CD99: variants seen among roughly 807,000 people sequenced by gnomAD.
The protein encoded by CD99 is CD99 antigen.
CD99 carries 19 observed loss-of-function variants against 28.4 expected under a neutral mutation model. The observed-to-expected ratio is 0.67, with a 90% CI of 0.47 to 0.98. The LOEUF (loss-of-function observed/expected upper bound fraction) is 0.98. Ranked by LOEUF, CD99 falls within the 50% of genes least tolerant of loss-of-function variation. The pLI is 0.00. For synonymous variants in CD99, 103 were observed against 92.1 expected (o/e 1.12, Z -0.67); for missense variants, 283 against 248.8 (o/e 1.14, Z -0.92).
In CD99 at chrX:2,691,632, A is replaced by G. The variant is rs766624758; in HGVS notation, c.67+205A>G. ...AACGCTTTTCCTGGAGCCGTTCCAG[A>G]GAGAAAAGTCAGCGTTTGTTGTCGG... On this transcript the variant is annotated intron_variant, in intron 1 of 9. Coordinates refer to ENST00000381192, the MANE Select transcript of CD99 (RefSeq NM_002414.5). 9.8e-6 allele frequency: 7 copies of G among 716,920 alleles called. No homozygotes were observed. The South Asian group carries it at 1.0e-4, about 11-fold the overall frequency. 44.4% of individuals were successfully genotyped at this position (716,920 alleles called of 1,614,324 possible).
chrX:2,729,036 G>A (rs998579599), intron 8 of CD99, among the ~76,000 whole-genome samples: 1 of 151,942 alleles, frequency 6.6e-6, no homozygotes, highest in Non-Finnish European at 1.5e-5. Flanking sequence ...TCACCATGTT[G>A]GACACACTGG....
At chrX:2,703,343 G>T (rs1208997543) in intron 1 of CD99, among the ~76,000 whole-genome samples, 2 of 152,086 alleles carry the variant, frequency 1.3e-5, no homozygotes, top group East Asian at 3.9e-4. Flanking sequence ...CATTTGATGA[G>T]CGTCATTTAG....
chrX:2,740,764 C>T lies in CD99; in HGVS notation c.533-15C>T. 6.2e-7 allele frequency: 1 copy of T among 1,613,704 alleles called. No homozygotes were observed. Among genetic ancestry groups the T allele is most frequent in the Non-Finnish European group, 8.5e-7 (1 of 1,179,700 alleles). ...GGACCTGGGAATGACTTTCTTTTGT[C>T]TCTGTCTCCCACAGTTCAGCGTACT... On this transcript the variant is annotated splice_polypyrimidine_tract_variant and intron_variant, in intron 9 of 9. Transcript: ENST00000381192.
In CD99 at chrX:2,706,079, G is replaced by T. The variant is rs183147900; in HGVS notation, c.68-8343G>T. On this transcript the variant is annotated intron_variant, in intron 1 of 9. Coordinates refer to ENST00000381192, the MANE Select transcript of CD99 (RefSeq NM_002414.5). ...CGTTAAAAAGAAAAAAAAAAAAAGA[G>T]CCGGGCGCGGTGGCTCACGCCTGTC... is the stretch of plus-strand genomic sequence containing the variant. Among the ~76,000 whole-genome samples the T allele has an allele frequency of 8.7e-3, 1,300 of 149,916 alleles. 88 individuals are homozygous for T. In the East Asian group the frequency reaches 0.17, roughly 19 times the overall value.
chrX:2,707,082 C>A (rs1346558072), intron 1 of CD99, among the ~76,000 whole-genome samples: 1 of 152,188 alleles, frequency 6.6e-6, no homozygotes, highest in East Asian at 1.9e-4. Context: ...GTAATCCCTG[C>A]ACTTTGGGAG....
chrX:2,726,588 C>T (rs1430321454), intron 8 of CD99: 2 of 670,226 alleles, frequency 3.0e-6, no homozygotes, highest in Non-Finnish European at 5.5e-6. Context: ...TTACAAGTTC[C>T]CCACTGCTGC....
chrX:2,724,329 C>T (rs772492672), intron 7 of CD99, among the ~76,000 whole-genome samples: 38 of 152,076 alleles, frequency 2.5e-4, no homozygotes, highest in Non-Finnish European at 4.4e-4. Context: ...AAAAACTGGC[C>T]GAGTGAACAC....
chrX:2,736,812 G>T (rs1024563373), intron 8 of CD99, among the ~76,000 whole-genome samples: 5 of 151,778 alleles, frequency 3.3e-5, no homozygotes, highest in Non-Finnish European at 7.4e-5. Flanking sequence ...AGCTGATATC[G>T]CGCCACTGCA....
Position 2,726,309 on chromosome X carries a change from C to T in CD99, c.411C>T (p.Ala137=), listed in dbSNP as rs201728300. 1.4e-5 allele frequency: 23 copies of T among 1,612,014 alleles called. No homozygotes were observed. Among genetic ancestry groups the T allele is most frequent in the African/African-American group, 2.7e-5 (2 of 74,850 alleles). Residue 137 remains alanine, a synonymous_variant, in exon 8 of 10, where the codon GCC becomes GCT. Coordinates refer to ENST00000381192, the MANE Select transcript of CD99 (RefSeq NM_002414.5). Reference sequence around the variant, plus strand: ...GGATTGTGGGGGCTGTCGTGGTCGCCGTGGCTGGAGCCATCTCTAGCTTCA... The same window carrying T: ...GGATTGTGGGGGCTGTCGTGGTCGCTGTGGCTGGAGCCATCTCTAGCTTCA... The part of the protein sequence containing the change: ...IPGIVGAVVV[A]VAGAISSFIA...
At chrX:2,695,446 CTG>C (rs2047527908) in intron 1 of CD99, among the ~76,000 whole-genome samples, 1 of 151,948 alleles carries the variant, frequency 6.6e-6, no homozygotes, top group African/African-American at 2.4e-5. Context: ...GGTGGGGTCT[CTG>C]TTGCCCAGAC....
At chrX:2,704,190 C>T (rs1296422989) in intron 1 of CD99, among the ~76,000 whole-genome samples, 1 of 152,190 alleles carries the variant, frequency 6.6e-6, no homozygotes, top group Admixed American at 6.5e-5. Flanking sequence ...TCTTTGGCCT[C>T]TTGTAAAACT....
chrX:2,693,150 G>GTT (rs1556296914), intron 1 of CD99, among the ~76,000 whole-genome samples: 7 of 147,082 alleles, frequency 4.8e-5, no homozygotes, highest in South Asian at 4.3e-4. Flanking sequence ...GGTGGTGGTG[G>GTT]TTTTTTTTTT....
At chrX:2,722,130 T>TAA (rs921621705) in intron 5 of CD99, among the ~76,000 whole-genome samples, 1 of 143,770 alleles carries the variant, frequency 7.0e-6, no homozygotes, top group Non-Finnish European at 1.5e-5. Flanking sequence ...CTTTTAAAAT[T>TAA]AAAAAAAAAA....
chrX:2,738,898 A>C (rs1468962675), intron 9 of CD99, among the ~76,000 whole-genome samples: 6 of 151,588 alleles, frequency 4.0e-5, no homozygotes, highest in African/African-American at 1.5e-4. Context: ...CCCAGGCTGG[A>C]GTGCAGTGGC....
intron 8 of CD99, among the ~76,000 whole-genome samples, chrX:2,728,461 G>A (rs2049412741): frequency 6.6e-6 from 1 of 152,068 alleles, no homozygotes; most frequent in Non-Finnish European, 1.5e-5. Context: ...CTCCCAAAGT[G>A]TTGGGATTGC....
At chrX:2,719,189 T>C (rs5939307) in intron 3 of CD99, 108,117 of 157,738 alleles carry the variant, frequency 0.69, 37,661 homozygotes, top group Non-Finnish European at 0.76. Context: ...GCTAGAGCCA[T>C]GTTTTAGACA....
chrX:2,695,588 T>A (rs778738100), intron 1 of CD99, among the ~76,000 whole-genome samples: 255 of 151,890 alleles, frequency 1.7e-3, no homozygotes, highest in African/African-American at 5.4e-3. Context: ...CTTTTAAATT[T>A]TTTTGTAGAG....
At chrX:2,732,505 C>T (rs1004644731) in intron 8 of CD99, among the ~76,000 whole-genome samples, 1 of 150,992 alleles carries the variant, frequency 6.6e-6, no homozygotes, top group East Asian at 2.0e-4. Flanking sequence ...CCCCCTCCCT[C>T]CTTCTTTTCT....
chrX:2,717,827 T>C, intron 3 of CD99, 175 bp downstream of exon 3: 2 of 624,256 alleles, frequency 3.2e-6, no homozygotes, highest in Non-Finnish European at 5.8e-6. Flanking sequence ...ATGTAGTGAT[T>C]CCAGTAAAAG....
Sources: gnomAD v4.1 joint callset for allele counts (sites outside exome capture counted in the v4.1 genomes callset) on GRCh38, gnomAD v4.1.1 for gene constraint, MANE v1.5 for transcripts, NCBI Gene and HGNC (gene_info 2026-07-23, HGNC 2026-07-21) for gene names.